Variants in GMDS observed in about 807,000 individuals in gnomAD.
GMDS encodes GDP-mannose 4,6 dehydratase.
In GMDS, 20 loss-of-function variants were observed where a neutral mutation model predicts 49.9. The observed-to-expected ratio is 0.40, with a 90% CI of 0.28 to 0.58. The LOEUF (loss-of-function observed/expected upper bound fraction) is 0.58. GMDS is among the 20% of genes least tolerant of loss of function. The pLI is 0.42. For missense variants in GMDS, 362 were observed against 481.4 expected (o/e 0.75, Z 2.32); for synonymous variants, 177 against 178.6 (o/e 0.99, Z 0.07).
At chr6:1,702,954 T>A (rs1765593866) in intron 9 of GMDS, among the ~76,000 whole-genome samples, 2 of 152,162 alleles carry the variant, frequency 1.3e-5, no homozygotes, top group African/African-American at 4.8e-5. Context: ...CAGATCACTC[T>A]CCGTGAGGAT....
intron 4 of GMDS, among the ~76,000 whole-genome samples, chr6:1,996,820 T>C (rs943173303): frequency 1.3e-5 from 2 of 152,196 alleles, no homozygotes; most frequent in Admixed American, 6.5e-5. Flanking sequence ...TCTGAGGACA[T>C]GTACTCAGAC....
At chr6:2,167,830 A>G (rs1186888811) in intron 1 of GMDS, among the ~76,000 whole-genome samples, 5 of 152,148 alleles carry the variant, frequency 3.3e-5, no homozygotes, top group Non-Finnish European at 7.3e-5. Flanking sequence ...ACTAAATCGT[A>G]TATATATACT....
At chr6:1,903,751 T>TA (rs1323595226) in intron 7 of GMDS, among the ~76,000 whole-genome samples, 1 of 151,602 alleles carries the variant, frequency 6.6e-6, no homozygotes, top group Non-Finnish European at 1.5e-5. Context: ...CCAAACTAGA[T>TA]AAAGTTCACT....
At chr6:2,163,265 A>G (rs1053579545) in intron 1 of GMDS, among the ~76,000 whole-genome samples, 1 of 152,200 alleles carries the variant, frequency 6.6e-6, no homozygotes, top group African/African-American at 2.4e-5. Context: ...TCTCAGGTGG[A>G]AAGAGAATCA....
At chr6:1,677,124 C>T (rs1002264765) in intron 9 of GMDS, among the ~76,000 whole-genome samples, 15 of 152,260 alleles carry the variant, frequency 9.9e-5, no homozygotes, top group African/African-American at 2.4e-4. Flanking sequence ...GCAAAGGATA[C>T]GAACAGACAC....
intron 7 of GMDS, among the ~76,000 whole-genome samples, chr6:1,862,727 T>C (rs1758250548): frequency 6.6e-6 from 1 of 152,160 alleles, no homozygotes; most frequent in Admixed American, 6.5e-5. Context: ...GTTCCCTGGG[T>C]AAAAAAATTC....
intron 7 of GMDS, among the ~76,000 whole-genome samples, chr6:1,864,184 C>G (rs1414886795): frequency 6.6e-6 from 1 of 152,110 alleles, no homozygotes; most frequent in Non-Finnish European, 1.5e-5. Flanking sequence ...AGCATTACTA[C>G]ATAAAATGAT....
intron 9 of GMDS, among the ~76,000 whole-genome samples, chr6:1,703,554 T>G (rs189975677): frequency 6.1e-4 from 93 of 152,274 alleles, no homozygotes; most frequent in African/African-American, 2.1e-3. Flanking sequence ...TTTGTATAAA[T>G]AAAGAAATAC....
intron 7 of GMDS, among the ~76,000 whole-genome samples, chr6:1,891,697 A>T (rs1759878514): frequency 6.6e-6 from 1 of 152,206 alleles, no homozygotes; most frequent in Non-Finnish European, 1.5e-5. Context: ...ATCTCCAGGG[A>T]ACTTGTTAAA....
intron 4 of GMDS, among the ~76,000 whole-genome samples, chr6:2,075,658 G>T (rs936360774): frequency 2.0e-5 from 3 of 152,106 alleles, no homozygotes; most frequent in African/African-American, 7.2e-5. Flanking sequence ...GTCTATCATT[G>T]TTGGACATTT....
chr6:2,141,886 CTCTCT>C (rs1262980959), intron 1 of GMDS, among the ~76,000 whole-genome samples: 1 of 151,590 alleles, frequency 6.6e-6, no homozygotes, highest in Non-Finnish European at 1.5e-5. Flanking sequence ...CTCTCTCTCT[CTCTCT>C]TCTCTTTCTT....
At chr6:2,105,780 A>G (rs2127490684) in intron 4 of GMDS, among the ~76,000 whole-genome samples, 1 of 152,336 alleles carries the variant, frequency 6.6e-6, no homozygotes, top group Admixed American at 6.5e-5. Context: ...TTTTACCCTG[A>G]TATACCAAAC....
chr6:2,006,569 T>C (rs1767194689), intron 4 of GMDS, among the ~76,000 whole-genome samples: 1 of 152,210 alleles, frequency 6.6e-6, no homozygotes, highest in African/African-American at 2.4e-5. Flanking sequence ...AATACAATTT[T>C]TACTAATTTC....
intron 1 of GMDS, among the ~76,000 whole-genome samples, chr6:2,174,946 C>T (rs108035): frequency 0.7 from 106,424 of 151,928 alleles, 37,640 homozygotes; most frequent in East Asian, 0.82. Flanking sequence ...CCTGGGAAGG[C>T]AGAAGCCTTC....
chr6:2,205,737 CTT>C (rs1216546266), intron 1 of GMDS, among the ~76,000 whole-genome samples: 1 of 152,032 alleles, frequency 6.6e-6, no homozygotes, highest in African/African-American at 2.4e-5. Flanking sequence ...AAGTTGGACT[CTT>C]TTTCACTCTT....
chr6:1,634,506 T>C (rs75033324), intron 9 of GMDS, among the ~76,000 whole-genome samples: 5,685 of 152,248 alleles, frequency 0.037, 332 homozygotes, highest in African/African-American at 0.13. Flanking sequence ...TGTATGTGTT[T>C]TTCTCTGTCT....
intron 7 of GMDS, among the ~76,000 whole-genome samples, chr6:1,835,160 AG>A (rs1000224980): frequency 1.2e-4 from 18 of 152,292 alleles, no homozygotes; most frequent in Non-Finnish European, 1.2e-4. Context: ...GTGTTGCGTA[AG>A]GGGGGGTCTG....
At chr6:2,189,141 G>C (rs1171222636) in intron 1 of GMDS, among the ~76,000 whole-genome samples, 1 of 152,152 alleles carries the variant, frequency 6.6e-6, no homozygotes, top group East Asian at 1.9e-4. Flanking sequence ...ACAGGAAAGG[G>C]ACAAGGATAG....
chr6:1,782,485 C>G lies in GMDS; in HGVS notation c.772-39899G>C, dbSNP rs530104375. Among the ~76,000 whole-genome samples, 24 of 152,274 alleles carry G rather than the reference C, an allele frequency of 1.6e-4. No homozygotes were observed. The South Asian group carries it at 4.6e-3, about 29-fold the overall frequency. The stretch of plus-strand genomic sequence containing the variant: ...ATCTTTCCAGTCCAAGCCTTAAGAC[C>G]AACTTTGTTAGGACTAATAAAAACC... On this transcript the variant is annotated intron_variant, in intron 7 of 10. Transcript: ENST00000380815.
Sources: allele counts gnomAD v4.1 joint callset (sites outside exome capture counted in the v4.1 genomes callset), GRCh38; gene constraint gnomAD v4.1.1; transcripts MANE v1.5; gene names NCBI Gene and HGNC (gene_info 2026-07-23, HGNC 2026-07-21).